The following DYRK1A variants were observed in gnomAD, a reference collection of about 807,000 sequenced individuals.
The protein encoded by DYRK1A is dual specificity tyrosine phosphorylation regulated kinase 1A.
In DYRK1A, 9 loss-of-function variants were observed where a neutral mutation model predicts 79.7. The ratio of observed to expected loss-of-function variants is 0.11; its 90% CI spans 0.07 to 0.20. The LOEUF is 0.20. Among genes scored for constraint, DYRK1A ranks in the 10% least tolerant of loss-of-function variants. The probability of loss-of-function intolerance (pLI) is 1.00; values close to 1 mark genes in which losing one functional copy is unlikely to be tolerated. For synonymous variants in DYRK1A, 349 were observed against 329.7 expected (o/e 1.06, Z -0.63); for missense variants, 622 against 956.0 (o/e 0.65, Z 4.61).
intron 1 of DYRK1A, among the ~76,000 whole-genome samples, chr21:37,405,277 A>G (rs1346158361): frequency 6.6e-6 from 1 of 152,174 alleles, no homozygotes. Context: ...GGGGGCTGCC[A>G]TTCATAAAGC....
intron 4 of DYRK1A, among the ~76,000 whole-genome samples, chr21:37,479,136 T>C (rs1300216143): frequency 6.6e-6 from 1 of 151,620 alleles, no homozygotes; most frequent in East Asian, 1.9e-4. Flanking sequence ...GAAAAGATGT[T>C]CTTAGGTACA....
chr21:37,414,618 G>T (rs1378540884), intron 1 of DYRK1A, among the ~76,000 whole-genome samples: 1 of 152,090 alleles, frequency 6.6e-6, no homozygotes, highest in Non-Finnish European at 1.5e-5. Flanking sequence ...CATACTAAAG[G>T]AGTTCTTAAT....
intron 2 of DYRK1A, among the ~76,000 whole-genome samples, chr21:37,463,466 A>G (rs1264660803): frequency 6.6e-6 from 1 of 152,168 alleles, no homozygotes; most frequent in Non-Finnish European, 1.5e-5. Context: ...CAATAGCTGT[A>G]GCCTGTGCTA....
intron 2 of DYRK1A, chr21:37,430,196 TC>T (rs2050738709): frequency 1.4e-6 from 1 of 703,050 alleles, no homozygotes; most frequent in East Asian, 1.3e-4. Context: ...ACCAGTTACT[TC>T]CAGCTTGTAT....
At chr21:37,509,008 A>G (rs1456455400) in intron 11 of DYRK1A, among the ~76,000 whole-genome samples, 3 of 152,222 alleles carry the variant, frequency 2.0e-5, no homozygotes, top group Non-Finnish European at 4.4e-5. Flanking sequence ...TGGATTTCAC[A>G]GAGGTCAAGA....
chr21:37,446,595 TA>T (rs1273589261), intron 2 of DYRK1A, among the ~76,000 whole-genome samples: 5 of 151,610 alleles, frequency 3.3e-5, no homozygotes. Context: ...TTTTTTTTTT[TA>T]ATTTGAGTGG....
chr21:37,478,227 T>G lies in DYRK1A; in HGVS notation c.227T>G (p.Phe76Cys), dbSNP rs1601219318. The change falls in exon 4 of 12, where the codon TTC (phenylalanine) becomes TGC (cysteine). Residue 76 changes from phenylalanine (F) to cysteine (C), a missense_variant. Physicochemically the swap from Phe to Cys is radical, Grantham distance 205. This residue lies in a region of DYRK1A where 91 missense variants were observed against 113.8 expected (regional missense o/e 0.80). Coordinates refer to ENST00000647188, the MANE Select transcript of DYRK1A (RefSeq NM_001347721.2). Reference sequence around the variant, plus strand: ...TTACAGAGGCGGATGCCCCAAACCTTCCGTGACCCAGCAACTGCTCCCCTG... The same window carrying G: ...TTACAGAGGCGGATGCCCCAAACCTGCCGTGACCCAGCAACTGCTCCCCTG... The part of the protein sequence containing the change: ...LTNQRRMPQT[F>C]RDPATAPLRK... 1 of 1,614,196 alleles carries G rather than the reference T, an allele frequency of 6.2e-7. No individual in the cohort carries two copies. The highest frequency in any genetic ancestry group is 1.7e-5 in the Admixed American group (1 of 60,022).
At chr21:37,447,299 A>G (rs1258628531) in intron 2 of DYRK1A, among the ~76,000 whole-genome samples, 1 of 152,156 alleles carries the variant, frequency 6.6e-6, no homozygotes, top group East Asian at 1.9e-4. Context: ...GACACACCCC[A>G]TGTAACTTAT....
chr21:37,448,690 T>A (rs370147729), intron 2 of DYRK1A, among the ~76,000 whole-genome samples: 18 of 152,044 alleles, frequency 1.2e-4, no homozygotes, highest in Non-Finnish European at 1.9e-4. Flanking sequence ...GTATTTAAAA[T>A]TTTTTTTGTT....
At chr21:37,411,995 C>T (rs549336371) in intron 1 of DYRK1A, among the ~76,000 whole-genome samples, 4 of 152,142 alleles carry the variant, frequency 2.6e-5, no homozygotes, top group African/African-American at 4.8e-5. Flanking sequence ...TACAGAAATA[C>T]GAGATCTAGT....
chr21:37,475,663 A>G (rs1457449814), intron 3 of DYRK1A, among the ~76,000 whole-genome samples: 1 of 152,246 alleles, frequency 6.6e-6, no homozygotes, highest in Non-Finnish European at 1.5e-5. Context: ...TAGGCAGAGT[A>G]TGACCAGTTG....
intron 2 of DYRK1A, among the ~76,000 whole-genome samples, chr21:37,454,497 T>G (rs920746712): frequency 1.3e-5 from 2 of 152,186 alleles, no homozygotes; most frequent in Non-Finnish European, 2.9e-5. Flanking sequence ...CTTGATGGAA[T>G]GAGTCTAAAA....
intron 3 of DYRK1A, among the ~76,000 whole-genome samples, chr21:37,475,564 T>C (rs572413246): frequency 6.6e-6 from 1 of 152,370 alleles, no homozygotes; most frequent in African/African-American, 2.4e-5. Flanking sequence ...TTACTTGCTT[T>C]GTAGACATTT....
At chr21:37,511,044 A>G (rs2053735398) in intron 11 of DYRK1A, among the ~76,000 whole-genome samples, 1 of 152,152 alleles carries the variant, frequency 6.6e-6, no homozygotes. Flanking sequence ...CCAAGAAATA[A>G]CATTTCTAGG....
intron 2 of DYRK1A, among the ~76,000 whole-genome samples, chr21:37,439,889 T>A (rs1334309709): frequency 6.6e-6 from 1 of 152,144 alleles, no homozygotes; most frequent in East Asian, 1.9e-4. Context: ...ATTTGATGAA[T>A]TGTACTGATT....
intron 1 of DYRK1A, among the ~76,000 whole-genome samples, chr21:37,374,297 A>G (rs2049492756): frequency 6.6e-6 from 1 of 150,860 alleles, no homozygotes; most frequent in Non-Finnish European, 1.5e-5. Context: ...GTCACCGAAC[A>G]CTGCAAGAAG....
intron 1 of DYRK1A, among the ~76,000 whole-genome samples, chr21:37,414,908 A>G (rs776478142): frequency 2.6e-5 from 4 of 152,216 alleles, no homozygotes; most frequent in Admixed American, 1.3e-4. Context: ...GCAAAATAGA[A>G]TATCAGTGGT....
intron 6 of DYRK1A, chr21:37,488,826 CA>C (rs2052970386): frequency 1.0e-6 from 1 of 985,178 alleles, no homozygotes; most frequent in Non-Finnish European, 1.2e-6. Context: ...CCTGCTTAAC[CA>C]GGAGATTAAA....
intron 2 of DYRK1A, among the ~76,000 whole-genome samples, chr21:37,464,774 A>G (rs1450053303): frequency 6.6e-6 from 1 of 152,234 alleles, no homozygotes; most frequent in Non-Finnish European, 1.5e-5. Flanking sequence ...ATGGTTCCGC[A>G]TAATACTTTA....
Sources: allele counts gnomAD v4.1 joint callset (sites outside exome capture counted in the v4.1 genomes callset), GRCh38; gene constraint gnomAD v4.1.1; regional missense constraint gnomAD v4.1.1; transcripts MANE v1.5; gene names NCBI Gene and HGNC (gene_info 2026-07-23, HGNC 2026-07-21).